Variants in BRSK2 observed in about 807,000 individuals in gnomAD.
BRSK2 encodes the protein BR serine/threonine kinase 2.
A neutral mutation model predicts 83.3 loss-of-function variants in BRSK2; 19 were observed. That is an observed-to-expected ratio of 0.23 (90% CI 0.16 to 0.33). BRSK2 has a LOEUF of 0.33. Among genes scored for constraint, BRSK2 ranks in the 10% least tolerant of loss-of-function variants. The pLI is 1.00. For synonymous variants in BRSK2, 519 were observed against 435.4 expected (o/e 1.19, Z -2.39); for missense variants, 798 against 1,042.3 (o/e 0.77, Z 3.23).
intron 1 of BRSK2, among the ~76,000 whole-genome samples, chr11:1,391,776 T>G (rs1336728000): frequency 2.0e-5 from 3 of 151,936 alleles, no homozygotes; most frequent in Non-Finnish European, 4.4e-5. Context: ...CAGGAGTCAG[T>G]GAGATAATCC....
chr11:1,401,509 T>C (rs1055850634), intron 1 of BRSK2, among the ~76,000 whole-genome samples: 3 of 152,176 alleles, frequency 2.0e-5, no homozygotes, highest in African/African-American at 7.2e-5. Context: ...AGTATGTTCC[T>C]GGAGCCAGGG....
intron 1 of BRSK2, among the ~76,000 whole-genome samples, chr11:1,417,918 G>C (rs554157409): frequency 6.8e-6 from 1 of 147,978 alleles, no homozygotes; most frequent in Non-Finnish European, 1.5e-5. Flanking sequence ...ACTGTGTCCT[G>C]CTTCTGTTGG....
chr11:1,460,732 G>GCT lies in BRSK2; in HGVS notation c.*10_*11insTC. ...GCCGCGAGCAGCCTTAGACACACTA[G>GCT]CCCCCCCCCCCAGCACAGCACTGAC... On this transcript the variant is annotated 3_prime_UTR_variant, in exon 20 of 20. Transcript: ENST00000528841. 1 of 1,310,260 alleles carries GCT rather than the reference G, an allele frequency of 7.6e-7. No homozygotes were observed. Among genetic ancestry groups the GCT allele is most frequent in the Non-Finnish European group, 9.9e-7 (1 of 1,013,246 alleles). 81.2% of individuals were successfully genotyped at this position (1,310,260 alleles called of 1,614,324 possible). A position where few individuals can be genotyped will look rare whatever the true frequency, so the allele number is the denominator to read the frequency against.
Position 1,461,177 on chromosome 11 carries a change from A to G in BRSK2, c.*454A>G. ...GGCCAGGCTCGGGGGAGCCTCCTCC[A>G]GCCCGGCCGACCCGGACTCCCGGTC... is the stretch of plus-strand genomic sequence containing the variant. On this transcript the variant is annotated 3_prime_UTR_variant, in exon 20 of 20. Coordinates refer to ENST00000528841, the MANE Select transcript of BRSK2 (RefSeq NM_001256627.2). 1.2e-6 allele frequency: 1 copy of G among 863,254 alleles called. No individual in the cohort carries two copies. The highest frequency in any genetic ancestry group is 1.7e-6 in the Non-Finnish European group (1 of 586,288). The allele number at this position is 863,254 out of a possible 1,614,324, so 53.5% of individuals were successfully genotyped here.
chr11:1,434,591 G>T (rs1850039515), intron 1 of BRSK2, among the ~76,000 whole-genome samples: 1 of 146,146 alleles, frequency 6.8e-6, no homozygotes. Flanking sequence ...GCACCCAGGA[G>T]TGGGGTCCCC....
At chr11:1,391,762 G>A (rs1018316325) in intron 1 of BRSK2, among the ~76,000 whole-genome samples, 1 of 152,186 alleles carries the variant, frequency 6.6e-6, no homozygotes, top group South Asian at 2.1e-4. Flanking sequence ...AGGGCAGCAG[G>A]ATGCAGGAGT....
chr11:1,415,822 C>T (rs1848041637), intron 1 of BRSK2, among the ~76,000 whole-genome samples: 1 of 152,276 alleles, frequency 6.6e-6, no homozygotes, highest in Non-Finnish European at 1.5e-5. Context: ...GCGGCTGCCC[C>T]TTCTGTTGCA....
rs997460666 is a variant in BRSK2, at chr11:1,438,818, A to G, written c.272+427A>G. On this transcript the variant is annotated intron_variant, in intron 3 of 19. Transcript: ENST00000528841. The surrounding 1 kb of genome is among the most constrained non-coding windows in gnomAD (Gnocchi z 6.4). ...AGGCTCCCTCACACGAGGCACAGCC[A>G]CCAGGATCCCGCCCTGGCTGGACCG... Among the ~76,000 whole-genome samples the G allele has an allele frequency of 6.6e-6, 1 of 152,148 alleles. No individual in the cohort carries two copies. Among genetic ancestry groups the G allele is most frequent in the East Asian group, 1.9e-4 (1 of 5,190 alleles).
intron 1 of BRSK2, among the ~76,000 whole-genome samples, chr11:1,396,692 G>A (rs749882344): frequency 6.6e-6 from 1 of 152,240 alleles, no homozygotes; most frequent in Non-Finnish European, 1.5e-5. Context: ...GCTTCTTTGG[G>A]CACCTGGGGA....
intron 1 of BRSK2, among the ~76,000 whole-genome samples, chr11:1,433,285 G>A (rs960453346): frequency 1.3e-5 from 2 of 152,250 alleles, no homozygotes; most frequent in African/African-American, 4.8e-5. Context: ...CTGTCCCGGT[G>A]CCCTTGGGGG....
chr11:1,403,164 G>A (rs535821516), intron 1 of BRSK2, among the ~76,000 whole-genome samples: 7 of 152,188 alleles, frequency 4.6e-5, no homozygotes, highest in East Asian at 3.9e-4. Context: ...CCTTATCCTC[G>A]GGGGGTCTGT....
intron 12 of BRSK2, chr11:1,447,889 G>A (rs916158119): frequency 1.9e-5 from 30 of 1,576,512 alleles, no homozygotes; most frequent in African/African-American, 4.0e-5. Context: ...ACCCGTCCCC[G>A]CACCTCCCAG....
At chr11:1,400,657 C>CG (rs143837899) in intron 1 of BRSK2, among the ~76,000 whole-genome samples, 1 of 152,006 alleles carries the variant, frequency 6.6e-6, no homozygotes, top group African/African-American at 2.4e-5. Flanking sequence ...CAGGTGGTCT[C>CG]GGGGGGCAGA....
intron 1 of BRSK2, among the ~76,000 whole-genome samples, chr11:1,418,105 C>T (rs559260643): frequency 6.9e-5 from 10 of 145,470 alleles, no homozygotes; most frequent in African/African-American, 2.3e-4. Flanking sequence ...ACACTGTGTC[C>T]TGCTTCTGTT....
At chr11:1,418,618 C>T (rs1848348178) in intron 1 of BRSK2, among the ~76,000 whole-genome samples, 2 of 152,036 alleles carry the variant, frequency 1.3e-5, no homozygotes, top group South Asian at 2.1e-4. Context: ...GAGAGTGGGT[C>T]ACACTGTGTC....
rs1225673813 is a variant in BRSK2 at position 1,443,136 on chromosome 11, C to T, written c.561C>T (p.Ile187=). 6 of 1,536,930 alleles carry T rather than the reference C, an allele frequency of 3.9e-6. No homozygotes were observed. In the South Asian group the frequency reaches 7.2e-5, roughly 18 times the overall value. Residue 187 remains isoleucine (I), a synonymous_variant, in exon 6 of 20, where the codon ATC becomes ATT. Transcript: ENST00000528841. ...CCCACTACGCCTGCCCCGAGGTGAT[C>T]CGGGTGAGTCAGCGCCGCCGCGTGC... The part of the protein sequence containing the change: ...GSPHYACPEV[I]RGEKYDGRKA...
intron 1 of BRSK2, among the ~76,000 whole-genome samples, chr11:1,403,547 C>A (rs1009601031): frequency 6.6e-6 from 1 of 152,204 alleles, no homozygotes; most frequent in Non-Finnish European, 1.5e-5. Context: ...GGAGGAGGGG[C>A]CCAGGCGGTT....
Position 1,454,741 on chromosome 11 carries a change from C to T in BRSK2, c.1668+133C>T. The stretch of plus-strand genomic sequence containing the variant: ...CACGGACGTCCGCTCACCCGTGGGC[C>T]TGCCTGGCCGCCTTCACTGGACAGG... On this transcript the variant is annotated intron_variant, in intron 16 of 19. Coordinates refer to ENST00000528841, the MANE Select transcript of BRSK2 (RefSeq NM_001256627.2). This position sits in a 1 kb window ranked among gnomAD's most constrained non-coding sequence, Gnocchi z 5.2. 3 of 1,223,402 alleles carry T rather than the reference C, an allele frequency of 2.5e-6. No individual in the cohort carries two copies. Among genetic ancestry groups the T allele is most frequent in the Non-Finnish European group, 3.4e-6 (3 of 890,880 alleles). The allele number at this position is 1,223,402 out of a possible 1,614,324, so 75.8% of individuals were successfully genotyped here. A position where few individuals can be genotyped will look rare whatever the true frequency, so the allele number is the denominator to read the frequency against.
At chr11:1,449,153 A>C (rs1181992120) in intron 12 of BRSK2, among the ~76,000 whole-genome samples, 6 of 152,072 alleles carry the variant, frequency 3.9e-5, no homozygotes, top group Admixed American at 3.9e-4. Context: ...TCAGCCGGGC[A>C]CGCCGGGCCA....
Sources: gnomAD v4.1 joint callset for allele counts (sites outside exome capture counted in the v4.1 genomes callset) on GRCh38, gnomAD v4.1.1 for gene constraint, Gnocchi (gnomAD v3.1) non-coding constraint, MANE v1.5 for transcripts, NCBI Gene and HGNC (gene_info 2026-07-23, HGNC 2026-07-21) for gene names.